The following IL21R variants were observed in gnomAD, a reference collection of about 807,000 sequenced individuals.
IL21R encodes interleukin-21 receptor.
In IL21R, 14 loss-of-function variants were observed where a neutral mutation model predicts 41.3. That is an observed-to-expected ratio of 0.34 (90% CI 0.22 to 0.53). IL21R has a LOEUF of 0.53. IL21R is among the 20% of genes least tolerant of loss of function. IL21R has a pLI of 0.94. For synonymous variants in IL21R, 286 were observed against 287.6 expected, an observed-to-expected ratio of 0.99 and a Z score of 0.05; for missense variants, 588 against 681.6, an observed-to-expected ratio of 0.86 and a Z score of 1.53.
At chr16:27,440,081 G>A (rs147782993) in intron 4 of IL21R, among the ~76,000 whole-genome samples, 121 of 152,060 alleles carry the variant, frequency 8.0e-4, no homozygotes, top group South Asian at 2.5e-3. Flanking sequence ...CAACAACCCA[G>A]TGTTCACCAT....
chr16:27,437,394 A>G, intron 3 of IL21R, 94 bp from the exon 4 acceptor site: 1 of 997,228 alleles, frequency 1.0e-6, no homozygotes, highest in Non-Finnish European at 1.6e-6. Flanking sequence ...CAGCCCTGAG[A>G]GTCTGGGCTT....
intron 2 of IL21R, among the ~76,000 whole-genome samples, chr16:27,432,349 A>G (rs2141287097): frequency 6.6e-6 from 1 of 152,330 alleles, no homozygotes; most frequent in East Asian, 1.9e-4. Context: ...GTTTGCAGTC[A>G]CAGAGCTACT....
intron 1 of IL21R, among the ~76,000 whole-genome samples, chr16:27,412,507 T>A (rs981635669): frequency 6.6e-6 from 1 of 152,016 alleles, no homozygotes; most frequent in African/African-American, 2.4e-5. Flanking sequence ...TAGGATGAAT[T>A]CTTTTTTTAT....
chr16:27,446,583 A>G (rs1393701994), intron 8 of IL21R, among the ~76,000 whole-genome samples: 1 of 148,938 alleles, frequency 6.7e-6, no homozygotes, highest in African/African-American at 2.5e-5. Flanking sequence ...GACAGAGACT[A>G]TATCTTAAAA....
chr16:27,408,686 CTGTT>C (rs1476392716), intron 1 of IL21R, among the ~76,000 whole-genome samples: 6 of 152,170 alleles, frequency 3.9e-5, no homozygotes, highest in Non-Finnish European at 8.8e-5. Flanking sequence ...CTGTTGGCTC[CTGTT>C]CCTGGCACTT....
At chr16:27,426,716 G>A (rs1284617335) in intron 1 of IL21R, among the ~76,000 whole-genome samples, 1 of 152,224 alleles carries the variant, frequency 6.6e-6, no homozygotes, top group African/African-American at 2.4e-5. Flanking sequence ...GAGCACTATT[G>A]TCCCCATTTC....
intron 1 of IL21R, among the ~76,000 whole-genome samples, chr16:27,405,024 A>G (rs1027272273): frequency 1.3e-5 from 2 of 148,786 alleles, no homozygotes; most frequent in Non-Finnish European, 3.0e-5. Flanking sequence ...ATCATGTTTT[A>G]CTTTTTTTTT....
chr16:27,450,654 G>A lies in IL21R; in HGVS notation c.*1371G>A, dbSNP rs1247055348. ...GGCTGGAATGCAGTGGTGCGATCTC[G>A]GCTCTCTGCAACCTCTGTCTCCCGG... On this transcript the variant is annotated 3_prime_UTR_variant, in exon 9 of 9. Coordinates refer to ENST00000337929, the MANE Select transcript of IL21R (RefSeq NM_181078.3). 3 of 218,898 alleles carry A rather than the reference G, an allele frequency of 1.4e-5. No individual in the cohort carries two copies. Among genetic ancestry groups the A allele is most frequent in the African/African-American group, 6.8e-5 (3 of 44,024 alleles). The allele number at this position is 218,898 out of a possible 1,614,324, so 13.6% of individuals were successfully genotyped here.
intron 4 of IL21R, among the ~76,000 whole-genome samples, chr16:27,440,699 C>T (rs970260713): frequency 1.3e-5 from 2 of 152,084 alleles, no homozygotes; most frequent in African/African-American, 2.4e-5. Flanking sequence ...GAGGGAGGCA[C>T]ATAGTAAACA....
rs144923802 is a variant in IL21R at position 27,437,508 on chromosome 16, T to C, written c.173T>C (p.Leu58Pro). The change falls in exon 4 of 9, where the codon CTG becomes CCG. Residue 58 changes from leucine (L) to proline (P), a missense_variant. Coordinates refer to ENST00000337929, the MANE Select transcript of IL21R (RefSeq NM_181078.3). Reference sequence around the variant, plus strand: ...TGAAGGCAAGACCAGTATGAAGAGCTGAAGGACGAGGCCACCTCCTGCAGC... The same window carrying C: ...TGAAGGCAAGACCAGTATGAAGAGCCGAAGGACGAGGCCACCTCCTGCAGC... ...TLTWQDQYEE[L>P]KDEATSCSLH... 17 of 1,613,812 alleles carry C rather than the reference T, an allele frequency of 1.1e-5. No homozygotes were observed. The highest frequency in any genetic ancestry group is 8.3e-5 in the Admixed American group (5 of 60,010).
chr16:27,434,420 C>A lies in IL21R; in HGVS notation c.123C>A (p.Asn41Lys), dbSNP rs1436476558. 1 of 1,613,654 alleles carries A rather than the reference C, an allele frequency of 6.2e-7. No homozygotes were observed. The highest frequency in any genetic ancestry group is 1.3e-5 in the African/African-American group (1 of 74,926). Residue 41 changes from asparagine (N) to lysine (K), a missense_variant, in exon 3 of 9, where the codon AAC becomes AAA. Transcript: ENST00000337929. ...TCATCTGCATCCTGGAAATGTGGAA[C>A]CTCCACCCCAGCACGCTCACCCTTA... is the stretch of plus-strand genomic sequence containing the variant. ...QTVICILEMW[N>K]LHPSTLTLTW...
In IL21R at chr16:27,440,921, C is replaced by T. The variant is rs933691684; in HGVS notation, c.353-2041C>T. On this transcript the variant is annotated intron_variant, in intron 4 of 8. Coordinates refer to ENST00000337929, the MANE Select transcript of IL21R (RefSeq NM_181078.3). ...CAAAAATTAGCCAGTCATGGTGGTGCGCACCTATGGTCCCAGCTACTTGGG... is the reference window on the plus strand; with the variant it reads ...CAAAAATTAGCCAGTCATGGTGGTGTGCACCTATGGTCCCAGCTACTTGGG... Among the ~76,000 whole-genome samples the T allele has an allele frequency of 2.0e-4, 31 of 151,738 alleles. 1 individual carries two copies. Among genetic ancestry groups the T allele is most frequent in the Middle Eastern group, 6.8e-3 (2 of 294 alleles).
chr16:27,434,274 G>A (rs2087226009), intron 2 of IL21R, 73 bp from the exon 3 acceptor site: 8 of 954,572 alleles, frequency 8.4e-6, no homozygotes, highest in Admixed American at 6.9e-5. Flanking sequence ...TCCAGCCCTC[G>A]AGGGGATGGA....
chr16:27,445,321 C>A, intron 7 of IL21R, 45 bp downstream of exon 7: 1 of 1,233,242 alleles, frequency 8.1e-7, no homozygotes, highest in Non-Finnish European at 1.2e-6. Context: ...TCAGCCTGGG[C>A]CACTGCCCCT....
At chr16:27,403,127 T>TC in intron 1 of IL21R, 1 of 853,554 alleles carries the variant, frequency 1.2e-6, no homozygotes, top group Non-Finnish European at 1.8e-6. Flanking sequence ...CCTCGGTGAC[T>TC]CAACTGGGAC....
intron 8 of IL21R, among the ~76,000 whole-genome samples, chr16:27,446,495 C>T (rs1172746518): frequency 2.0e-5 from 3 of 151,812 alleles, no homozygotes; most frequent in Non-Finnish European, 4.4e-5. Context: ...CCCAGCAACT[C>T]GGGAGGCTGA....
intron 1 of IL21R, among the ~76,000 whole-genome samples, chr16:27,411,900 GTTGA>G (rs1477232805): frequency 5.3e-5 from 8 of 152,172 alleles, no homozygotes; most frequent in Admixed American, 2.0e-4. Context: ...TTTTGATTCC[GTTGA>G]TTATTTCCTC....
chr16:27,429,834 G>A (rs551722830), intron 1 of IL21R, among the ~76,000 whole-genome samples: 8 of 152,290 alleles, frequency 5.3e-5, no homozygotes, highest in South Asian at 4.1e-4. Flanking sequence ...GTGATGGGGC[G>A]GGGGCAGGAA....
chr16:27,449,603 A>G lies in IL21R; in HGVS notation c.*320A>G. On this transcript the variant is annotated 3_prime_UTR_variant, in exon 9 of 9. Coordinates refer to ENST00000337929, the MANE Select transcript of IL21R (RefSeq NM_181078.3). ...ATGTCTGGACTCACGGAGCTCACCC[A>G]TGTGCACAAGTGTGCACAGTAAACG... 1 of 420,962 alleles carries G rather than the reference A, an allele frequency of 2.4e-6. No homozygotes were observed. The highest frequency in any genetic ancestry group is 3.9e-5 in the East Asian group (1 of 25,818). 26.1% of individuals were successfully genotyped at this position (420,962 alleles called of 1,614,324 possible).
Sources: allele counts gnomAD v4.1 joint callset (sites outside exome capture counted in the v4.1 genomes callset), GRCh38; gene constraint gnomAD v4.1.1; transcripts MANE v1.5; gene names NCBI Gene and HGNC (gene_info 2026-07-23, HGNC 2026-07-21).